MAGI2: variants seen among roughly 807,000 people sequenced by gnomAD.
MAGI2 encodes the protein membrane-associated guanylate kinase, WW and PDZ domain-containing protein 2.
Under a neutral mutation model 133.3 loss-of-function variants are expected in MAGI2, and 35 were observed. The observed-to-expected ratio is 0.26, with a 90% confidence interval of 0.20 to 0.35. The LOEUF (loss-of-function observed/expected upper bound fraction) is 0.35, where lower values mean the gene tolerates loss of function less well. MAGI2 is among the 10% of genes least tolerant of loss of function. The pLI, the probability that MAGI2 is intolerant of heterozygous loss-of-function variation, is 1.00. For missense variants in MAGI2, 1,636 were observed against 1,863.4 expected (o/e 0.88, Z 2.25); for synonymous variants, 729 against 710.6 (o/e 1.03, Z -0.41).
intron 2 of MAGI2, among the ~76,000 whole-genome samples, chr7:78,746,808 T>C (rs528318713): frequency 1.3e-5 from 2 of 152,348 alleles, no homozygotes; most frequent in African/African-American, 4.8e-5. Flanking sequence ...ATTAATTATG[T>C]GCTTCCCACC....
chr7:79,444,182 C>G (rs919249668), intron 1 of MAGI2, among the ~76,000 whole-genome samples: 3 of 152,114 alleles, frequency 2.0e-5, no homozygotes, highest in African/African-American at 7.2e-5. Context: ...TAAGAGCTAT[C>G]TATGACAAAC....
At chr7:79,339,248 T>C (rs571680043) in intron 1 of MAGI2, among the ~76,000 whole-genome samples, 1 of 152,266 alleles carries the variant, frequency 6.6e-6, no homozygotes, top group East Asian at 1.9e-4. Context: ...TATTTTTAGC[T>C]ATTTAGTAAC....
intron 1 of MAGI2, among the ~76,000 whole-genome samples, chr7:79,316,420 G>A (rs1241615631): frequency 2.0e-5 from 3 of 151,980 alleles, no homozygotes; most frequent in East Asian, 3.9e-4. Flanking sequence ...GTCGCCCACT[G>A]AAAAATATAT....
chr7:79,169,344 C>A (rs1825292893), intron 1 of MAGI2, among the ~76,000 whole-genome samples: 1 of 152,076 alleles, frequency 6.6e-6, no homozygotes, highest in Non-Finnish European at 1.5e-5. Flanking sequence ...TTTATTTCAG[C>A]ATTCAGGGCA....
chr7:78,561,951 A>G (rs892537204), intron 3 of MAGI2, among the ~76,000 whole-genome samples: 1 of 152,112 alleles, frequency 6.6e-6, no homozygotes, highest in Admixed American at 6.5e-5. Context: ...TGCTGTCTCA[A>G]ATACCATAGC....
chr7:78,574,945 C>T (rs1802113823), intron 3 of MAGI2, among the ~76,000 whole-genome samples: 1 of 152,060 alleles, frequency 6.6e-6, no homozygotes, highest in Admixed American at 6.5e-5. Context: ...GCTTAAATTC[C>T]ACTTTCTCTA....
At chr7:78,726,069 T>C (rs1034207296) in intron 2 of MAGI2, among the ~76,000 whole-genome samples, 6 of 152,152 alleles carry the variant, frequency 3.9e-5, no homozygotes, top group African/African-American at 1.4e-4. Context: ...TATATTAAAT[T>C]ATAAAGATAA....
intron 1 of MAGI2, among the ~76,000 whole-genome samples, chr7:79,326,540 A>C (rs965988689): frequency 1.3e-5 from 2 of 152,174 alleles, no homozygotes; most frequent in Non-Finnish European, 2.9e-5. Flanking sequence ...ATTTTTAAGA[A>C]GACCTATGAA....
chr7:78,265,441 T>A (rs572774657), intron 9 of MAGI2, among the ~76,000 whole-genome samples: 9 of 152,330 alleles, frequency 5.9e-5, no homozygotes, highest in African/African-American at 2.2e-4. Context: ...GGTCAATGAA[T>A]CTGTCATTTC....
At chr7:78,451,263 A>T (rs778487411) in intron 6 of MAGI2, among the ~76,000 whole-genome samples, 10 of 152,038 alleles carry the variant, frequency 6.6e-5, no homozygotes, top group Non-Finnish European at 1.3e-4. Context: ...AAATTTTTTG[A>T]GGTGCTTGCT....
intron 1 of MAGI2, among the ~76,000 whole-genome samples, chr7:79,018,394 G>C (rs2191727): frequency 0.59 from 89,049 of 151,664 alleles, 26,435 homozygotes; most frequent in East Asian, 0.63. Flanking sequence ...GATCCTAAAG[G>C]AAGTAGCAGT....
At chr7:79,242,902 C>T (rs1585304755) in intron 1 of MAGI2, among the ~76,000 whole-genome samples, 1 of 152,258 alleles carries the variant, frequency 6.6e-6, no homozygotes, top group African/African-American at 2.4e-5. Context: ...TAGAAATCTG[C>T]ACCTTGATTA....
chr7:78,964,337 C>T (rs1803121693), intron 2 of MAGI2, among the ~76,000 whole-genome samples: 2 of 151,898 alleles, frequency 1.3e-5, no homozygotes, highest in South Asian at 2.1e-4. Flanking sequence ...CTTTTAGAAG[C>T]TTAGCTTATA....
intron 2 of MAGI2, among the ~76,000 whole-genome samples, chr7:78,733,818 A>G (rs573234616): frequency 1.3e-5 from 2 of 152,216 alleles, no homozygotes; most frequent in African/African-American, 4.8e-5. Flanking sequence ...TACCACTAAT[A>G]TAAGTGAAGT....
At chr7:78,967,895 A>G (rs1021757077) in intron 2 of MAGI2, among the ~76,000 whole-genome samples, 4 of 152,108 alleles carry the variant, frequency 2.6e-5, no homozygotes, top group African/African-American at 9.7e-5. Context: ...CAGTGGTGCA[A>G]TCTTGGCTCA....
chr7:78,538,934 A>C (rs1798184905), intron 3 of MAGI2, among the ~76,000 whole-genome samples: 1 of 152,252 alleles, frequency 6.6e-6, no homozygotes, highest in Admixed American at 6.5e-5. Context: ...CTCACATCTC[A>C]ATACTAACAT....
At chr7:78,474,298 A>T (rs1331656670) in intron 6 of MAGI2, among the ~76,000 whole-genome samples, 1 of 152,030 alleles carries the variant, frequency 6.6e-6, no homozygotes, top group East Asian at 1.9e-4. Flanking sequence ...AAGTTGTGTA[A>T]AGACAGTGAA....
intron 9 of MAGI2, among the ~76,000 whole-genome samples, chr7:78,335,905 A>G (rs2151164399): frequency 6.6e-6 from 1 of 152,348 alleles, no homozygotes; most frequent in Non-Finnish European, 1.5e-5. Context: ...AAATTAGTGT[A>G]AAACTCCACT....
At chr7:78,136,025 C>T (rs1822081244) in intron 16 of MAGI2, among the ~76,000 whole-genome samples, 1 of 152,020 alleles carries the variant, frequency 6.6e-6, no homozygotes, top group South Asian at 2.1e-4. Flanking sequence ...AGATGCTCTC[C>T]AACTGTCAAA....
Sources: gnomAD v4.1 joint callset for allele counts (sites outside exome capture counted in the v4.1 genomes callset) on GRCh38, gnomAD v4.1.1 for gene constraint, MANE v1.5 for transcripts, NCBI Gene and HGNC (gene_info 2026-07-23, HGNC 2026-07-21) for gene names.